Variants in ASRGL1 observed in about 807,000 individuals in gnomAD.
ASRGL1 encodes isoaspartyl peptidase/L-asparaginase.
ASRGL1 carries 16 observed loss-of-function variants against 22.4 expected under a neutral mutation model. The observed-to-expected ratio is 0.71, with a 90% CI of 0.48 to 1.08. ASRGL1 has a LOEUF of 1.08. Among genes scored for constraint, ASRGL1 ranks in the 50% least tolerant of loss-of-function variants. The probability of loss-of-function intolerance (pLI) is 0.00; values close to 1 mark genes in which losing one functional copy is unlikely to be tolerated. For missense variants in ASRGL1, 412 were observed against 410.1 expected, an observed-to-expected ratio of 1.00 and a Z score of -0.04; for synonymous variants, 165 against 159.3, an observed-to-expected ratio of 1.04 and a Z score of -0.27.
intron 2 of ASRGL1, among the ~76,000 whole-genome samples, chr11:62,339,320 C>G (rs986399807): frequency 6.6e-6 from 1 of 152,144 alleles, no homozygotes; most frequent in African/African-American, 2.4e-5. Context: ...GTCTTAAGAT[C>G]TGTTTTAATG....
In ASRGL1 at chr11:62,392,133, T is replaced by G; in HGVS notation, c.776T>G (p.Val259Gly). ...TCGTTGGGTTATATGAAGTCAAGGG[T>G]TAAAGGTTTAGGTGGCCTCATCGTG... ...DLSLGYMKSR[V>G]KGLGGLIVVS... The change falls in exon 7 of 7, where the codon GTT becomes GGT. Residue 259 changes from valine to glycine, a missense_variant. Transcript: ENST00000415229. The G allele has an allele frequency of 6.2e-7, 1 of 1,614,076 alleles. No individual in the cohort carries two copies. The highest frequency in any genetic ancestry group is 8.5e-7 in the Non-Finnish European group (1 of 1,180,000).
At chr11:62,337,635 G>GAAAATAGACATTTTCCCGAAGGC in intron 1 of ASRGL1, 61 bp downstream of exon 1, 1 of 220,306 alleles carries the variant, frequency 4.5e-6, no homozygotes, top group East Asian at 9.7e-5. Context: ...TGAAATAAAC[G>GAAAATAGACATTTTCCCGAAGGC]AAAATAGACA....
rs373351971 is a variant in ASRGL1, at chr11:62,390,345, A to G, written c.610+1094A>G. Among the ~76,000 whole-genome samples the G allele has an allele frequency of 5.7e-4, 87 of 152,328 alleles. 1 individual carries two copies. The highest frequency in any genetic ancestry group is 3.4e-3 in the Middle Eastern group (1 of 294). ...CCTGGCCTTCTGAGGAGCCTCCCCA[A>G]GGAGCACTGCCACTGGCCAGGCCCC... is the stretch of plus-strand genomic sequence containing the variant. On this transcript the variant is annotated intron_variant, in intron 5 of 6. Coordinates refer to ENST00000415229, the MANE Select transcript of ASRGL1 (RefSeq NM_001083926.2).
chr11:62,372,564 G>A (rs1946802035), intron 4 of ASRGL1: 4 of 897,994 alleles, frequency 4.5e-6, no homozygotes, highest in Non-Finnish European at 5.7e-6. Flanking sequence ...TCATTGAGAA[G>A]ACAAAAGACA....
intron 2 of ASRGL1, among the ~76,000 whole-genome samples, chr11:62,351,665 T>C (rs1182984700): frequency 2.1e-5 from 3 of 141,470 alleles, no homozygotes; most frequent in Non-Finnish European, 4.6e-5. Flanking sequence ...AAAAAAAAAA[T>C]CGTTTTTTTT....
chr11:62,347,437 C>T (rs1946054983), intron 2 of ASRGL1, among the ~76,000 whole-genome samples: 1 of 152,086 alleles, frequency 6.6e-6, no homozygotes, highest in African/African-American at 2.4e-5. Flanking sequence ...TCCCTGGCAA[C>T]CAGCTCCCCA....
chr11:62,391,066 G>C (rs1477291161), intron 5 of ASRGL1, among the ~76,000 whole-genome samples: 1 of 152,146 alleles, frequency 6.6e-6, no homozygotes, highest in Non-Finnish European at 1.5e-5. Context: ...AAATATAACT[G>C]CCCTCCATTA....
chr11:62,367,329 C>A (rs1249072012), intron 4 of ASRGL1, among the ~76,000 whole-genome samples: 170 of 143,016 alleles, frequency 1.2e-3, no homozygotes, highest in Non-Finnish European at 2.3e-3. Context: ...CAGAGTGAAA[C>A]TCTGTCTCAA....
chr11:62,354,256 AAC>A (rs1168492146), intron 2 of ASRGL1, among the ~76,000 whole-genome samples: 1 of 152,176 alleles, frequency 6.6e-6, no homozygotes, highest in Non-Finnish European at 1.5e-5. Flanking sequence ...TAGTGGTAAA[AAC>A]AACAGCATGT....
At chr11:62,354,185 T>C (rs2134599316) in intron 2 of ASRGL1, among the ~76,000 whole-genome samples, 1 of 152,298 alleles carries the variant, frequency 6.6e-6, no homozygotes, top group Admixed American at 6.5e-5. Context: ...CACAAAGAGA[T>C]TGAGAAGCAT....
chr11:62,347,628 G>A (rs201548794), intron 2 of ASRGL1, among the ~76,000 whole-genome samples: 3 of 150,062 alleles, frequency 2.0e-5, no homozygotes, highest in Non-Finnish European at 3.0e-5. Flanking sequence ...AATATTTGGG[G>A]AAAAAAAAAA....
intron 4 of ASRGL1, among the ~76,000 whole-genome samples, chr11:62,388,703 G>A (rs1178555467): frequency 6.6e-6 from 1 of 150,516 alleles, no homozygotes; most frequent in South Asian, 2.1e-4. Flanking sequence ...AGGATTTTGG[G>A]TCCCAGCCTG....
At chr11:62,378,569 T>C (rs558732240) in intron 4 of ASRGL1, among the ~76,000 whole-genome samples, 1 of 152,244 alleles carries the variant, frequency 6.6e-6, no homozygotes, top group South Asian at 2.1e-4. Context: ...TCAATTATAA[T>C]TAAAGGCCAG....
At chr11:62,373,194 C>T (rs368092987) in intron 4 of ASRGL1, 23 of 979,652 alleles carry the variant, frequency 2.3e-5, no homozygotes, top group East Asian at 4.8e-5. Flanking sequence ...GAGACTCCTC[C>T]GACTCCACAC....
chr11:62,368,621 C>G (rs185824495), intron 4 of ASRGL1, among the ~76,000 whole-genome samples: 84 of 152,132 alleles, frequency 5.5e-4, no homozygotes, highest in African/African-American at 1.9e-3. Flanking sequence ...GCTCAGCGTA[C>G]GGAGGACCCA....
chr11:62,391,377 G>A lies in ASRGL1; in HGVS notation c.611-145G>A, dbSNP rs1024627536. On this transcript the variant is annotated intron_variant, in intron 5 of 6. Coordinates refer to ENST00000415229, the MANE Select transcript of ASRGL1 (RefSeq NM_001083926.2). ...ACATGACGCTTTCTAGTCCACCTTT[G>A]CCTCCGCAGATCATGGCTACTAACC... 8.1e-6 allele frequency: 10 copies of A among 1,237,810 alleles called. No individual in the cohort carries two copies. The South Asian group carries it at 1.7e-4, about 21-fold the overall frequency. 76.7% of individuals were successfully genotyped at this position (1,237,810 alleles called of 1,614,324 possible).
intron 4 of ASRGL1, among the ~76,000 whole-genome samples, chr11:62,367,377 G>C (rs1367474787): frequency 6.6e-6 from 1 of 151,444 alleles, no homozygotes; most frequent in Non-Finnish European, 1.5e-5. Context: ...TAGGCGCAGT[G>C]GTTCACACCT....
At chr11:62,363,427 T>G (rs756882926) in intron 4 of ASRGL1, among the ~76,000 whole-genome samples, 1 of 152,106 alleles carries the variant, frequency 6.6e-6, no homozygotes, top group African/African-American at 2.4e-5. Flanking sequence ...TCAGTATAAA[T>G]CAGAGCATAG....
intron 4 of ASRGL1, among the ~76,000 whole-genome samples, chr11:62,376,889 CT>C (rs1199228600): frequency 3.9e-5 from 6 of 152,170 alleles, no homozygotes; most frequent in Non-Finnish European, 8.8e-5. Flanking sequence ...GTACTTTCTC[CT>C]GTTTGGCAAG....
Sources: gnomAD v4.1 joint callset for allele counts (sites outside exome capture counted in the v4.1 genomes callset) on GRCh38, gnomAD v4.1.1 for gene constraint, MANE v1.5 for transcripts, NCBI Gene and HGNC (gene_info 2026-07-23, HGNC 2026-07-21) for gene names.